Variants in CACNA2D3 observed in about 807,000 individuals in gnomAD.
CACNA2D3 encodes the protein calcium voltage-gated channel auxiliary subunit alpha2delta 3.
CACNA2D3 carries 60 observed loss-of-function variants against 160.6 expected under a neutral mutation model. The ratio of observed to expected loss-of-function variants is 0.37; its 90% CI spans 0.30 to 0.46. The LOEUF is 0.46. Ranked by LOEUF, CACNA2D3 falls within the 20% of genes least tolerant of loss-of-function variation. CACNA2D3 has a pLI of 1.00. For missense variants in CACNA2D3, 1,205 were observed against 1,365.0 expected, an observed-to-expected ratio of 0.88 and a Z score of 1.85; for synonymous variants, 558 against 492.9, an observed-to-expected ratio of 1.13 and a Z score of -1.75.
intron 2 of CACNA2D3, among the ~76,000 whole-genome samples, chr3:54,291,204 A>C (rs1216424373): frequency 6.6e-6 from 1 of 152,198 alleles, no homozygotes; most frequent in Non-Finnish European, 1.5e-5. Flanking sequence ...TCAGTTTCCT[A>C]CTTTACCTAT....
chr3:54,264,521 C>G (rs1023399401), intron 2 of CACNA2D3, among the ~76,000 whole-genome samples: 1 of 152,192 alleles, frequency 6.6e-6, no homozygotes, highest in Non-Finnish European at 1.5e-5. Context: ...TCCAGCTTAG[C>G]ACTGGAAGAG....
At chr3:54,915,028 T>C (rs1279841325) in intron 27 of CACNA2D3, among the ~76,000 whole-genome samples, 2 of 152,240 alleles carry the variant, frequency 1.3e-5, no homozygotes, top group Non-Finnish European at 2.9e-5. Context: ...GGTACTTGGT[T>C]AACTCAAGCA....
chr3:54,532,096 G>C (rs1423181488), intron 5 of CACNA2D3, among the ~76,000 whole-genome samples: 1 of 152,028 alleles, frequency 6.6e-6, no homozygotes, highest in East Asian at 1.9e-4. Flanking sequence ...TTCTTTTTTT[G>C]TTTGTATCAA....
chr3:54,212,678 A>G (rs1701397127), intron 2 of CACNA2D3, among the ~76,000 whole-genome samples: 1 of 152,094 alleles, frequency 6.6e-6, no homozygotes. Context: ...TTAGTTTTTC[A>G]GGTTAACTTT....
At chr3:54,231,298 C>A (rs1004185895) in intron 2 of CACNA2D3, among the ~76,000 whole-genome samples, 2 of 152,148 alleles carry the variant, frequency 1.3e-5, no homozygotes, top group East Asian at 3.9e-4. Flanking sequence ...AGTTACAAAG[C>A]CTGCCTTCTG....
intron 5 of CACNA2D3, among the ~76,000 whole-genome samples, chr3:54,522,786 T>C (rs532174865): frequency 6.6e-6 from 1 of 152,274 alleles, no homozygotes; most frequent in East Asian, 1.9e-4. Flanking sequence ...CTTAATCCAT[T>C]CATGAGGGCA....
intron 11 of CACNA2D3, among the ~76,000 whole-genome samples, chr3:54,653,809 C>T (rs1699822365): frequency 6.6e-6 from 1 of 152,176 alleles, no homozygotes; most frequent in African/African-American, 2.4e-5. Context: ...GGCACTGGGG[C>T]CTTGGGCTCC....
intron 2 of CACNA2D3, among the ~76,000 whole-genome samples, chr3:54,290,147 GC>G (rs1398606858): frequency 6.6e-6 from 1 of 151,948 alleles, no homozygotes; most frequent in Non-Finnish European, 1.5e-5. Flanking sequence ...GAAAATTTTC[GC>G]AACCTACTTA....
intron 2 of CACNA2D3, among the ~76,000 whole-genome samples, chr3:54,132,789 A>G (rs1242512127): frequency 6.6e-6 from 1 of 152,138 alleles, no homozygotes; most frequent in East Asian, 1.9e-4. Context: ...AGTGACGACA[A>G]TCTGGGTTTG....
intron 4 of CACNA2D3, among the ~76,000 whole-genome samples, chr3:54,453,731 G>A (rs1700349519): frequency 6.6e-6 from 1 of 152,146 alleles, no homozygotes; most frequent in South Asian, 2.1e-4. Context: ...TTGTGTCCAT[G>A]TGGTTGTCCC....
At chr3:54,204,950 A>T (rs1169577505) in intron 2 of CACNA2D3, among the ~76,000 whole-genome samples, 1 of 152,188 alleles carries the variant, frequency 6.6e-6, no homozygotes, top group African/African-American at 2.4e-5. Context: ...AGAAAAAAAC[A>T]TAGAGAATAA....
chr3:54,658,412 T>C (rs984647477), intron 11 of CACNA2D3, among the ~76,000 whole-genome samples: 2 of 152,340 alleles, frequency 1.3e-5, no homozygotes, highest in African/African-American at 4.8e-5. Flanking sequence ...TTGATTTGCA[T>C]TTCCCTGATG....
At chr3:54,233,801 C>T (rs1701823012) in intron 2 of CACNA2D3, among the ~76,000 whole-genome samples, 2 of 152,170 alleles carry the variant, frequency 1.3e-5, no homozygotes, top group Non-Finnish European at 2.9e-5. Context: ...GGTCATCATA[C>T]AGTTTATTTT....
In CACNA2D3 at chr3:54,822,790, C is replaced by CTTTCTTTTCTTTCTTTT. The variant is rs1491160047; in HGVS notation, c.1398+5920_1398+5921insTTTCTTTTCTTTCTTTT. ...TCTTTCTTTCTTTCTTTCTTTCTTT[C>CTTTCTTTTCTTTCTTTT]CTTTCTTTCTTTCTTTCTTTCTTTC... On this transcript the variant is annotated intron_variant, in intron 14 of 37. Coordinates refer to ENST00000474759, the MANE Select transcript of CACNA2D3 (RefSeq NM_018398.3). 5.3e-4 allele frequency among the ~76,000 whole-genome samples: 38 copies of CTTTCTTTTCTTTCTTTT among 71,958 alleles called. 3 individuals are homozygous for CTTTCTTTTCTTTCTTTT. The highest frequency in any genetic ancestry group is 2.2e-3 in the African/African-American group (38 of 17,276). The allele number at this position is 71,958 out of a possible 152,430, so 47.2% of individuals were successfully genotyped here. A position where few individuals can be genotyped will look rare whatever the true frequency, so the allele number is the denominator to read the frequency against.
chr3:54,516,677 G>A (rs1418811937), intron 5 of CACNA2D3, among the ~76,000 whole-genome samples: 10 of 152,180 alleles, frequency 6.6e-5, no homozygotes, highest in South Asian at 4.1e-4. Flanking sequence ...GTGCTTTGAA[G>A]CAGAGCCCCA....
chr3:54,789,148 T>C (rs1702695731), intron 13 of CACNA2D3, among the ~76,000 whole-genome samples: 1 of 152,324 alleles, frequency 6.6e-6, no homozygotes, highest in African/African-American at 2.4e-5. Flanking sequence ...TATAAGCATA[T>C]CATTAAGTAT....
At chr3:54,629,918 G>T (rs1403210755) in intron 10 of CACNA2D3, among the ~76,000 whole-genome samples, 1 of 152,198 alleles carries the variant, frequency 6.6e-6, no homozygotes, top group African/African-American at 2.4e-5. Flanking sequence ...AAGGAGAAAG[G>T]GTTAGGAGAT....
At chr3:54,345,163 A>G (rs1019333013) in intron 3 of CACNA2D3, among the ~76,000 whole-genome samples, 2 of 152,202 alleles carry the variant, frequency 1.3e-5, no homozygotes, top group Non-Finnish European at 2.9e-5. Flanking sequence ...CCATTCTTTT[A>G]TTCCTTTACT....
At chr3:54,262,989 C>A (rs576847924) in intron 2 of CACNA2D3, among the ~76,000 whole-genome samples, 1 of 152,262 alleles carries the variant, frequency 6.6e-6, no homozygotes, top group African/African-American at 2.4e-5. Flanking sequence ...TTCCCCTCCA[C>A]CCCAGGTAGT....
Sources: gnomAD v4.1 joint callset for allele counts (sites outside exome capture counted in the v4.1 genomes callset) on GRCh38, gnomAD v4.1.1 for gene constraint, MANE v1.5 for transcripts, NCBI Gene and HGNC (gene_info 2026-07-23, HGNC 2026-07-21) for gene names.